The following WDR48 variants were observed in gnomAD, a reference collection of about 807,000 sequenced individuals.
WDR48 encodes the protein WD repeat domain 48.
Under a neutral mutation model 94.0 loss-of-function variants are expected in WDR48, and 22 were observed. The ratio of observed to expected loss-of-function variants is 0.23; its 90% CI spans 0.17 to 0.33. The LOEUF is 0.33. WDR48 is among the 10% of genes least tolerant of loss of function. WDR48 has a pLI of 1.00. For missense variants in WDR48, 541 were observed against 813.8 expected, an observed-to-expected ratio of 0.66 and a Z score of 4.08; for synonymous variants, 278 against 280.5, an observed-to-expected ratio of 0.99 and a Z score of 0.09.
intron 18 of WDR48, chr3:39,094,395 A>G: frequency 2.7e-6 from 4 of 1,486,892 alleles, no homozygotes; most frequent in Non-Finnish European, 3.6e-6. Context: ...TTAAATCAAG[A>G]TGCACTCAAA....
chr3:39,088,399 G>A (rs564647771), intron 15 of WDR48, among the ~76,000 whole-genome samples, 166 bp downstream of exon 15: 6 of 152,356 alleles, frequency 3.9e-5, no homozygotes, highest in African/African-American at 1.4e-4. Flanking sequence ...AATGTCTGCT[G>A]CTGTTAGACC....
rs576290382 is a variant in WDR48 at position 39,082,077 on chromosome 3, C to A, written c.1174-2078C>A. 3.3e-5 allele frequency among the ~76,000 whole-genome samples: 5 copies of A among 152,268 alleles called. No homozygotes were observed. The East Asian group carries it at 7.7e-4, about 24-fold the overall frequency. ...CTACGGAATATGCTAGGGAACATCT[C>A]TAAAATGGTTTCTTCATTCCTAAAA... is the stretch of plus-strand genomic sequence containing the variant. On this transcript the variant is annotated intron_variant, in intron 11 of 18. Coordinates refer to ENST00000302313, the MANE Select transcript of WDR48 (RefSeq NM_020839.4).
chr3:39,089,438 C>T (rs1351930463), intron 16 of WDR48, 120 bp downstream of exon 16: 5 of 795,490 alleles, frequency 6.3e-6, no homozygotes, highest in Non-Finnish European at 9.4e-6. Context: ...GTGGAATCCC[C>T]ATCTGCTTCC....
chr3:39,077,158 C>G lies in WDR48; in HGVS notation c.917C>G (p.Ala306Gly). ...PVLKMELDRSADPPPAIWVAT... is the reference protein window; with the variant it reads ...PVLKMELDRSGDPPPAIWVAT... ...TTTCAGATGGAGCTTGATAGATCAG[C>G]TGATCCTCCTCCTGCAATTTGGGTT... is the stretch of plus-strand genomic sequence containing the variant. Residue 306 changes from alanine (A) to glycine (G), a missense_variant, in exon 9 of 19, where the codon GCT (alanine) becomes GGT (glycine). This residue lies in a region of WDR48 where 238 missense variants were observed against 285.3 expected (regional missense o/e 0.83). Transcript: ENST00000302313. 3.1e-6 allele frequency: 5 copies of G among 1,614,164 alleles called. No individual in the cohort carries two copies. The highest frequency in any genetic ancestry group is 4.2e-6 in the Non-Finnish European group (5 of 1,180,014).
intron 7 of WDR48, among the ~76,000 whole-genome samples, chr3:39,072,876 TG>T (rs1225256507): frequency 1.3e-5 from 2 of 152,168 alleles, no homozygotes; most frequent in Non-Finnish European, 2.9e-5. Context: ...GTTGCTTTGT[TG>T]GGGGATCTGC....
chr3:39,069,756 C>T lies in WDR48; in HGVS notation c.672+12C>T. On this transcript the variant is annotated intron_variant, in intron 7 of 18. Coordinates refer to ENST00000302313, the MANE Select transcript of WDR48 (RefSeq NM_020839.4). The stretch of plus-strand genomic sequence containing the variant: ...GAGATGGCACGCAAGTATGCAGTTT[C>T]ATTTGGGTGTTTACCTAATAACCTT... The T allele has an allele frequency of 6.2e-7, 1 of 1,607,762 alleles. No individual in the cohort carries two copies. Among genetic ancestry groups the T allele is most frequent in the Non-Finnish European group, 8.5e-7 (1 of 1,175,794 alleles).
intron 7 of WDR48, among the ~76,000 whole-genome samples, chr3:39,072,147 T>C (rs1368064681): frequency 6.6e-6 from 1 of 152,234 alleles, no homozygotes; most frequent in African/African-American, 2.4e-5. Flanking sequence ...CCTGATTCTT[T>C]TGTTGTAGAA....
At position 39,091,685 on chromosome 3, in the gene WDR48, G is replaced by A; in HGVS notation, c.1729G>A (p.Ala577Thr). 1 of 1,604,048 alleles carries A rather than the reference G, an allele frequency of 6.2e-7. No individual in the cohort carries two copies. Among genetic ancestry groups the A allele is most frequent in the Non-Finnish European group, 8.5e-7 (1 of 1,176,970 alleles). Residue 577 changes from alanine to threonine, a missense_variant, in exon 17 of 19, where the codon GCA becomes ACA. Physicochemically the swap from Ala to Thr is moderately conservative, Grantham distance 58. This residue lies in a region of WDR48 where 109 missense variants were observed against 195.5 expected (regional missense o/e 0.56). Transcript: ENST00000302313. Reference protein sequence around the residue: ...FYLQPHASSGAKTLKKDRLSA... With the variant: ...FYLQPHASSGTKTLKKDRLSA... Reference sequence around the variant, plus strand: ...CCTCCAACCTCATGCATCTTCAGGAGCAAAAACCTTAAAAAAGTAAGTAAA... The same window carrying A: ...CCTCCAACCTCATGCATCTTCAGGAACAAAAACCTTAAAAAAGTAAGTAAA...
intron 11 of WDR48, among the ~76,000 whole-genome samples, chr3:39,083,786 A>G (rs1303585170): frequency 2.0e-5 from 3 of 152,224 alleles, no homozygotes; most frequent in African/African-American, 7.2e-5. Flanking sequence ...GAGATGGTAG[A>G]GTAATGGTCT....
intron 7 of WDR48, among the ~76,000 whole-genome samples, chr3:39,072,933 C>G (rs543311485): frequency 1.3e-5 from 2 of 152,184 alleles, no homozygotes; most frequent in Non-Finnish European, 2.9e-5. Flanking sequence ...GATTACTTGG[C>G]GTTCTATATC....
At chr3:39,056,679 A>G (rs1245642899) in intron 1 of WDR48, among the ~76,000 whole-genome samples, 1 of 152,250 alleles carries the variant, frequency 6.6e-6, no homozygotes, top group African/African-American at 2.4e-5. Context: ...AAGAGCTGAG[A>G]GAATTGCTAA....
At chr3:39,080,831 A>G (rs2034496891) in intron 11 of WDR48, among the ~76,000 whole-genome samples, 1 of 152,210 alleles carries the variant, frequency 6.6e-6, no homozygotes, top group Non-Finnish European at 1.5e-5. Flanking sequence ...GCAGAGGCAC[A>G]GGAAAAGGAT....
At chr3:39,068,885 T>A (rs761493202) in intron 6 of WDR48, 26 bp downstream of exon 6, 112 of 1,343,814 alleles carry the variant, frequency 8.3e-5, no homozygotes, top group South Asian at 2.4e-4. Flanking sequence ...TTTCTTTATT[T>A]AAAAAAAAAA....
chr3:39,063,142 A>G lies in WDR48; in HGVS notation c.141A>G (p.Thr47=), dbSNP rs372802745. 1.7e-5 allele frequency: 28 copies of G among 1,614,158 alleles called. No homozygotes were observed. Among genetic ancestry groups the G allele is most frequent in the Non-Finnish European group, 2.4e-5 (28 of 1,180,010 alleles). Residue 47 remains threonine, a synonymous_variant, in exon 2 of 19, where the codon ACA becomes ACG. Coordinates refer to ENST00000302313, the MANE Select transcript of WDR48 (RefSeq NM_020839.4). ...QLDPALNRLF[T]AGRDSIIRIW... ...ATCCAGCACTAAATAGACTTTTCAC[A>G]GCCGGTCGAGACTCTATCATAAGAA...
chr3:39,088,457 A>G (rs1273458898), intron 15 of WDR48, among the ~76,000 whole-genome samples: 1 of 152,184 alleles, frequency 6.6e-6, no homozygotes, highest in Non-Finnish European at 1.5e-5. Flanking sequence ...GAGGTAGAAT[A>G]CTTTGCCTCG....
Position 39,093,992 on chromosome 3 carries a change from C to G in WDR48, c.1864C>G (p.Pro622Ala). ...CACTAGCTCTTCTAATAATGAAAAA[C>G]CAGGAGAACAGGAAAAAGAAGAAGA... ...QTTSSSNNEKPGEQEKEEDIA... is the reference protein window; with the variant it reads ...QTTSSSNNEKAGEQEKEEDIA... Residue 622 changes from proline to alanine, a missense_variant, in exon 18 of 19, where the codon CCA becomes GCA. Physicochemically the swap from Pro to Ala is conservative, Grantham distance 27. Around this residue, in one of 5 missense-constraint regions of WDR48, gnomAD observed 109 missense variants for 195.5 expected, o/e 0.56. Transcript: ENST00000302313. 6.2e-7 allele frequency: 1 copy of G among 1,613,802 alleles called. No homozygotes were observed. The highest frequency in any genetic ancestry group is 8.5e-7 in the Non-Finnish European group (1 of 1,179,912).
rs754256843 is a variant in WDR48 at position 39,063,230 on chromosome 3, A to G, written c.189+40A>G. The stretch of plus-strand genomic sequence containing the variant: ...AAAATCTGTACCCAGCAAATTCTGG[A>G]CAAATGGCTTTTACTGTCTAATATG... On this transcript the variant is annotated intron_variant, in intron 2 of 18. Coordinates refer to ENST00000302313, the MANE Select transcript of WDR48 (RefSeq NM_020839.4). 2.5e-6 allele frequency: 4 copies of G among 1,605,914 alleles called. No individual in the cohort carries two copies. In the South Asian group the frequency reaches 3.3e-5, roughly 13 times the overall value.
chr3:39,067,273 CTT>C (rs2033665930), intron 5 of WDR48, among the ~76,000 whole-genome samples: 1 of 152,172 alleles, frequency 6.6e-6, no homozygotes, highest in South Asian at 2.1e-4. Context: ...GGTTTTCTGA[CTT>C]TTTAAAGTGT....
intron 7 of WDR48, among the ~76,000 whole-genome samples, chr3:39,073,015 G>C (rs1575412483): frequency 1.3e-5 from 2 of 152,180 alleles, no homozygotes; most frequent in African/African-American, 2.4e-5. Context: ...ATCCTTTCCT[G>C]TTACAAGTTG....
Sources: allele counts gnomAD v4.1 joint callset (sites outside exome capture counted in the v4.1 genomes callset), GRCh38; gene constraint gnomAD v4.1.1; regional missense constraint gnomAD v4.1.1; transcripts MANE v1.5; gene names NCBI Gene and HGNC (gene_info 2026-07-23, HGNC 2026-07-21).